PDZRN3: variants seen among roughly 807,000 people sequenced by gnomAD.
PDZRN3 encodes the protein PDZ domain containing ring finger 3.
PDZRN3 carries 38 observed loss-of-function variants against 85.7 expected under a neutral mutation model. The ratio of observed to expected loss-of-function variants is 0.44; its 90% CI spans 0.34 to 0.58. The LOEUF (loss-of-function observed/expected upper bound fraction) is 0.58. PDZRN3 is among the 20% of genes least tolerant of loss of function. The probability of loss-of-function intolerance (pLI) is 0.01; values close to 1 mark genes in which losing one functional copy is unlikely to be tolerated. For missense variants in PDZRN3, 1,629 were observed against 1,506.4 expected (o/e 1.08, Z -1.35); for synonymous variants, 759 against 638.0 (o/e 1.19, Z -2.86).
intron 3 of PDZRN3, among the ~76,000 whole-genome samples, chr3:73,532,163 T>C (rs913580066): frequency 1.3e-5 from 2 of 151,506 alleles, no homozygotes; most frequent in African/African-American, 4.9e-5. Flanking sequence ...ACCACGCCCA[T>C]CTGATTTTCT....
At chr3:73,558,649 G>C (rs1278959255) in intron 3 of PDZRN3, among the ~76,000 whole-genome samples, 1 of 152,246 alleles carries the variant, frequency 6.6e-6, no homozygotes, top group Non-Finnish European at 1.5e-5. Context: ...GATAAGGAAA[G>C]GGGAGAAGTA....
intron 3 of PDZRN3, among the ~76,000 whole-genome samples, chr3:73,459,156 T>G (rs1703051009): frequency 6.6e-6 from 1 of 152,004 alleles, no homozygotes; most frequent in South Asian, 2.1e-4. Context: ...AAATGCCAGT[T>G]GCTTATAAAA....
intron 3 of PDZRN3, among the ~76,000 whole-genome samples, chr3:73,517,464 C>G (rs190772127): frequency 1.3e-5 from 2 of 152,252 alleles, no homozygotes. Flanking sequence ...TATAGAAGAA[C>G]AGATACTAGG....
At chr3:73,493,088 G>A (rs915104737) in intron 3 of PDZRN3, among the ~76,000 whole-genome samples, 13 of 146,924 alleles carry the variant, frequency 8.8e-5, no homozygotes, top group Middle Eastern at 3.7e-3. Flanking sequence ...GGGTATGTCC[G>A]GGCCCCCATC....
At chr3:73,417,898 CA>C (rs1374162366) in intron 3 of PDZRN3, among the ~76,000 whole-genome samples, 1 of 152,066 alleles carries the variant, frequency 6.6e-6, no homozygotes. Context: ...ATTGGCTTTG[CA>C]AGAAGAACCA....
At chr3:73,599,285 T>C (rs942426395) in intron 3 of PDZRN3, among the ~76,000 whole-genome samples, 1 of 152,224 alleles carries the variant, frequency 6.6e-6, no homozygotes, top group Non-Finnish European at 1.5e-5. Context: ...AAGAAAATTA[T>C]AACATGCTAC....
chr3:73,550,091 G>C (rs1036003796), intron 3 of PDZRN3, among the ~76,000 whole-genome samples: 1 of 152,140 alleles, frequency 6.6e-6, no homozygotes, highest in African/African-American at 2.4e-5. Context: ...TTACTTAAAA[G>C]CACAGGAAAT....
chr3:73,612,419 C>A (rs72893823), intron 1 of PDZRN3, among the ~76,000 whole-genome samples: 9,851 of 152,228 alleles, frequency 0.065, 1,051 homozygotes, highest in African/African-American at 0.22. Flanking sequence ...ACAATTAATT[C>A]ATCTGGCAAT....
intron 3 of PDZRN3, among the ~76,000 whole-genome samples, chr3:73,513,708 C>T (rs1704207299): frequency 6.6e-6 from 1 of 152,160 alleles, no homozygotes; most frequent in African/African-American, 2.4e-5. Context: ...ACTTTTGAAC[C>T]TTTACTGAAC....
At chr3:73,433,932 A>G in intron 3 of PDZRN3, 2 of 1,404,086 alleles carry the variant, frequency 1.4e-6, no homozygotes, top group East Asian at 2.6e-5. Flanking sequence ...GCGCGTGCAC[A>G]CACACACACA....
intron 3 of PDZRN3, among the ~76,000 whole-genome samples, chr3:73,509,209 G>GC (rs891229527): frequency 1.4e-4 from 21 of 152,196 alleles, no homozygotes; most frequent in African/African-American, 4.8e-4. Context: ...TACTTTCCAA[G>GC]CCCCCCGTGA....
intron 4 of PDZRN3, among the ~76,000 whole-genome samples, chr3:73,403,364 C>A (rs1347550829): frequency 6.6e-6 from 1 of 152,212 alleles, no homozygotes; most frequent in African/African-American, 2.4e-5. Context: ...ACTAAATTAA[C>A]GGTGATCGCT....
intron 3 of PDZRN3, among the ~76,000 whole-genome samples, chr3:73,440,230 A>G (rs895319835): frequency 2.6e-5 from 4 of 152,084 alleles, no homozygotes; most frequent in African/African-American, 7.2e-5. Flanking sequence ...AATAACATGG[A>G]GAGGAGGCAC....
chr3:73,455,208 T>G (rs1292156016), intron 3 of PDZRN3, among the ~76,000 whole-genome samples: 1 of 152,216 alleles, frequency 6.6e-6, no homozygotes, highest in African/African-American at 2.4e-5. Flanking sequence ...TTACTTTAAG[T>G]ACCATTTGTT....
chr3:73,603,700 A>G (rs1049631232), intron 2 of PDZRN3, among the ~76,000 whole-genome samples: 23 of 152,288 alleles, frequency 1.5e-4, no homozygotes, highest in African/African-American at 4.1e-4. Context: ...AACATTTTCC[A>G]CTTTAAACAG....
intron 3 of PDZRN3, among the ~76,000 whole-genome samples, chr3:73,565,271 G>A (rs1701921075): frequency 2.0e-5 from 3 of 151,988 alleles, no homozygotes; most frequent in African/African-American, 7.3e-5. Context: ...TGGGATTACA[G>A]GTGCCTGCTA....
chr3:73,505,492 T>TA (rs549132573), intron 3 of PDZRN3, among the ~76,000 whole-genome samples: 76 of 152,118 alleles, frequency 5.0e-4, no homozygotes, highest in African/African-American at 1.2e-3. Context: ...TTATTCAAAT[T>TA]AAAAAAAACA....
chr3:73,448,538 T>G (rs11710299), intron 3 of PDZRN3, among the ~76,000 whole-genome samples: 10,407 of 152,234 alleles, frequency 0.068, 426 homozygotes, highest in East Asian at 0.12. Flanking sequence ...TAATTCTACT[T>G]AGGGCATCAG....
At chr3:73,457,655 T>C (rs1703013850) in intron 3 of PDZRN3, among the ~76,000 whole-genome samples, 1 of 152,086 alleles carries the variant, frequency 6.6e-6, no homozygotes, top group Admixed American at 6.6e-5. Flanking sequence ...TCTGAATGTA[T>C]GTGTCTCTCC....
Sources: allele counts gnomAD v4.1 joint callset (sites outside exome capture counted in the v4.1 genomes callset), GRCh38; gene constraint gnomAD v4.1.1; transcripts MANE v1.5; gene names NCBI Gene and HGNC (gene_info 2026-07-23, HGNC 2026-07-21).